The following SIK2 variants were observed in gnomAD, a reference collection of about 807,000 sequenced individuals.
The protein encoded by SIK2 is salt inducible kinase 2.
A neutral mutation model predicts 103.2 loss-of-function variants in SIK2; 29 were observed. That is an observed-to-expected ratio of 0.28 (90% confidence interval 0.21 to 0.38). The LOEUF is 0.38. SIK2 is among the 10% of genes least tolerant of loss of function. SIK2 has a pLI of 1.00. For synonymous variants in SIK2, 412 were observed against 446.1 expected (o/e 0.92, Z 0.96); for missense variants, 879 against 1,171.0 (o/e 0.75, Z 3.64).
Position 111,701,713 on chromosome 11 carries a change from A to G in SIK2, c.727+138A>G. On this transcript the variant is annotated intron_variant, in intron 6 of 14. Coordinates refer to ENST00000304987, the MANE Select transcript of SIK2 (RefSeq NM_015191.3). This position sits in a 1 kb window ranked among gnomAD's most constrained non-coding sequence, Gnocchi z 4.2. ...GAGCTGTAGGTTAAAAGCTATAGAA[A>G]GAAGCAACCTCCTTTATGTAGGCGA... The G allele has an allele frequency of 9.6e-7, 1 of 1,039,484 alleles. No homozygotes were observed. The highest frequency in any genetic ancestry group is 2.6e-5 in the East Asian group (1 of 38,288). The allele number at this position is 1,039,484 out of a possible 1,614,324, so 64.4% of individuals were successfully genotyped here. A position where few individuals can be genotyped will look rare whatever the true frequency, so the allele number is the denominator to read the frequency against.
chr11:111,623,855 G>T (rs74507855), intron 3 of SIK2, among the ~76,000 whole-genome samples: 4 of 152,120 alleles, frequency 2.6e-5, no homozygotes, highest in Non-Finnish European at 4.4e-5. Flanking sequence ...TCTTATCTGG[G>T]ACTCTCAGCA....
intron 3 of SIK2, among the ~76,000 whole-genome samples, chr11:111,653,026 T>C (rs1414271320): frequency 6.6e-6 from 1 of 152,168 alleles, no homozygotes; most frequent in Admixed American, 6.5e-5. Context: ...TGAATCAGAT[T>C]CCTTGGGTAT....
intron 3 of SIK2, among the ~76,000 whole-genome samples, chr11:111,626,176 G>A (rs916233008): frequency 2.0e-5 from 3 of 151,906 alleles, no homozygotes; most frequent in Non-Finnish European, 4.4e-5. Context: ...TCCACTCTTG[G>A]GTACAGTTAA....
chr11:111,718,199 G>A (rs1268399049), intron 9 of SIK2, among the ~76,000 whole-genome samples: 2 of 152,288 alleles, frequency 1.3e-5, no homozygotes, highest in African/African-American at 2.4e-5. Context: ...TCTTTTCTCT[G>A]TTGGCTTATT....
Position 111,723,954 on chromosome 11 carries a change from T to C in SIK2, c.2606T>C (p.Val869Ala). 6.2e-7 allele frequency: 1 copy of C among 1,614,136 alleles called. No homozygotes were observed. The highest frequency in any genetic ancestry group is 1.3e-5 in the African/African-American group (1 of 75,054). Residue 869 changes from valine to alanine, a missense_variant, in exon 15 of 15, where the codon GTG becomes GCG. By Grantham distance (64) the Val-to-Ala change is moderately conservative. Transcript: ENST00000304987. ...TATCCCACTCCCTGTCAGTATCCTGTGGATGGAGCCCAGCAGAGCGACCTA... is the reference window on the plus strand; with the variant it reads ...TATCCCACTCCCTGTCAGTATCCTGCGGATGGAGCCCAGCAGAGCGACCTA... ...PDYPTPCQYP[V>A]DGAQQSDLTG...
chr11:111,677,586 A>ATTTTTTTTTTTTTT (rs11384906), intron 3 of SIK2, among the ~76,000 whole-genome samples: 1 of 110,936 alleles, frequency 9.0e-6, no homozygotes, highest in Non-Finnish European at 1.7e-5. Context: ...CCCAGCTAAA[A>ATTTTTTTTTTTTTT]TTTTTTTTTT....
intron 3 of SIK2, among the ~76,000 whole-genome samples, chr11:111,630,052 C>T (rs544460376): frequency 2.8e-4 from 43 of 152,228 alleles, no homozygotes; most frequent in Non-Finnish European, 5.1e-4. Flanking sequence ...TTCACAGTCA[C>T]GCAAAGTCGG....
intron 1 of SIK2, among the ~76,000 whole-genome samples, chr11:111,606,858 A>G (rs1043080914): frequency 1.3e-5 from 2 of 152,120 alleles, no homozygotes; most frequent in Admixed American, 6.5e-5. Flanking sequence ...TGACACCTGT[A>G]ATCCCAGCAC....
intron 3 of SIK2, among the ~76,000 whole-genome samples, chr11:111,687,674 C>T (rs1565355355): frequency 2.0e-5 from 3 of 150,578 alleles, no homozygotes; most frequent in African/African-American, 4.9e-5. Context: ...GGTGCGATCT[C>T]GGCTCACTGC....
At chr11:111,699,523 T>C (rs554778513) in intron 4 of SIK2, among the ~76,000 whole-genome samples, 1 of 152,280 alleles carries the variant, frequency 6.6e-6, no homozygotes, top group African/African-American at 2.4e-5. Context: ...AAAATAACTT[T>C]CCTAGAGGAC....
At position 111,712,371 on chromosome 11, in the gene SIK2, C is replaced by T. The variant is rs927965985; in HGVS notation, c.1262C>T (p.Pro421Leu). The T allele has an allele frequency of 1.2e-6, 2 of 1,613,410 alleles. No homozygotes were observed. The highest frequency in any genetic ancestry group is 2.7e-5 in the African/African-American group (2 of 74,900). Residue 421 changes from proline to leucine, a missense_variant, in exon 9 of 15, where the codon CCA becomes CTA. This residue lies in a region of SIK2 where 222 missense variants were observed against 258.0 expected (regional missense o/e 0.86). Coordinates refer to ENST00000304987, the MANE Select transcript of SIK2 (RefSeq NM_015191.3). ...AFMEEECVDT[P>L]KVNGCLLDPV... ...ATGGAAGAAGAGTGTGTGGACACTC[C>T]AAAGGTACGGCTATGTTTGAGAGTC... is the stretch of plus-strand genomic sequence containing the variant.
chr11:111,670,002 T>C (rs1284789574), intron 3 of SIK2, among the ~76,000 whole-genome samples: 1 of 152,252 alleles, frequency 6.6e-6, no homozygotes, highest in African/African-American at 2.4e-5. Flanking sequence ...GTAATTGGGA[T>C]ATCTGTCACC....
At chr11:111,608,098 C>T (rs1941672143) in intron 1 of SIK2, among the ~76,000 whole-genome samples, 1 of 152,162 alleles carries the variant, frequency 6.6e-6, no homozygotes, top group African/African-American at 2.4e-5. Flanking sequence ...CCTCTTCTAC[C>T]TTCCACCTCC....
intron 1 of SIK2, among the ~76,000 whole-genome samples, chr11:111,610,485 C>CT (rs1941707964): frequency 7.4e-6 from 1 of 135,184 alleles, no homozygotes; most frequent in Admixed American, 7.7e-5. Context: ...AAGACTCTGT[C>CT]TAAAAAAAAA....
At chr11:111,658,740 CA>C (rs112214279) in intron 3 of SIK2, among the ~76,000 whole-genome samples, 10 of 139,524 alleles carry the variant, frequency 7.2e-5, no homozygotes, top group East Asian at 6.2e-4. Flanking sequence ...GGCCTTGTCA[CA>C]AAAAAAAAAG....
chr11:111,712,454 C>T lies in SIK2; in HGVS notation c.1266+79C>T, dbSNP rs1390022586. The T allele has an allele frequency of 2.1e-6, 3 of 1,409,918 alleles. No individual in the cohort carries two copies. The African/African-American group carries it at 4.3e-5, about 20-fold the overall frequency. The allele number at this position is 1,409,918 out of a possible 1,614,324, so 87.3% of individuals were successfully genotyped here. The stretch of plus-strand genomic sequence containing the variant: ...TTGGTCCACAAGTGTTGTACTTTGG[C>T]TTTATTGAACTTTATCATTTCGTTA... On this transcript the variant is annotated intron_variant, in intron 9 of 14. Transcript: ENST00000304987.
At chr11:111,696,427 A>G (rs533255074) in intron 4 of SIK2, among the ~76,000 whole-genome samples, 1 of 152,316 alleles carries the variant, frequency 6.6e-6, no homozygotes, top group African/African-American at 2.4e-5. Flanking sequence ...CAACTCTTCT[A>G]TAAATCTAAA....
At chr11:111,713,711 G>T (rs1205312997) in intron 9 of SIK2, among the ~76,000 whole-genome samples, 1 of 152,238 alleles carries the variant, frequency 6.6e-6, no homozygotes, top group Non-Finnish European at 1.5e-5. Flanking sequence ...GCTTACGCCT[G>T]TAATCGCAGC....
chr11:111,676,996 G>A (rs1422852276), intron 3 of SIK2, among the ~76,000 whole-genome samples: 2 of 152,262 alleles, frequency 1.3e-5, no homozygotes, highest in South Asian at 2.1e-4. Context: ...AGCTTAGAGT[G>A]ACTCATTTGT....
Sources: gnomAD v4.1 joint callset for allele counts (sites outside exome capture counted in the v4.1 genomes callset) on GRCh38, gnomAD v4.1.1 for gene constraint, gnomAD v4.1.1 regional missense constraint, Gnocchi (gnomAD v3.1) non-coding constraint, MANE v1.5 for transcripts, NCBI Gene and HGNC (gene_info 2026-07-23, HGNC 2026-07-21) for gene names.